PCDHA10: variants seen among roughly 807,000 people sequenced by gnomAD.
The protein encoded by PCDHA10 is protocadherin alpha-10.
A neutral mutation model predicts 61.2 loss-of-function variants in PCDHA10; 45 were observed. That is an observed-to-expected ratio of 0.74 (90% CI 0.58 to 0.94). PCDHA10 has a LOEUF of 0.94. Ranked by LOEUF, PCDHA10 falls within the 40% of genes least tolerant of loss-of-function variation. The pLI is 0.00. For missense variants in PCDHA10, 1,278 were observed against 1,236.2 expected (o/e 1.03, Z -0.51); for synonymous variants, 602 against 548.8 (o/e 1.10, Z -1.35).
chr5:140,928,168 A>T, intron 1 of PCDHA10: 3 of 1,614,174 alleles, frequency 1.9e-6, no homozygotes, highest in Non-Finnish European at 2.5e-6. Flanking sequence ...ACCCCCACTT[A>T]GCACCCGAAG....
At chr5:140,905,669 A>T (rs781948009) in intron 1 of PCDHA10, among the ~76,000 whole-genome samples, 1 of 152,228 alleles carries the variant, frequency 6.6e-6, no homozygotes, top group Non-Finnish European at 1.5e-5. Flanking sequence ...ATCCATTAAC[A>T]TGGAACATAT....
intron 1 of PCDHA10, among the ~76,000 whole-genome samples, chr5:140,941,202 C>CCTTTCTTCCTTTCTTTCTTTCTTT (rs1394736170): frequency 4.2e-3 from 519 of 122,694 alleles, no homozygotes; most frequent in African/African-American, 7.8e-3. Flanking sequence ...TTTCTTTCTT[C>CCTTTCTTCCTTTCTTTCTTTCTTT]CTTTCTTTCT....
intron 1 of PCDHA10, among the ~76,000 whole-genome samples, chr5:140,920,909 C>A (rs2079923809): frequency 6.6e-6 from 1 of 151,058 alleles, no homozygotes; most frequent in Admixed American, 6.6e-5. Context: ...GTTCTCAAAT[C>A]AGTTCCAAGA....
At chr5:140,992,925 C>G (rs548869982) in intron 3 of PCDHA10, among the ~76,000 whole-genome samples, 1 of 152,312 alleles carries the variant, frequency 6.6e-6, no homozygotes, top group South Asian at 2.1e-4. Flanking sequence ...TCCATACTTA[C>G]AGCAGCTCTG....
At chr5:140,995,416 T>G (rs2097682772) in intron 3 of PCDHA10, among the ~76,000 whole-genome samples, 1 of 152,228 alleles carries the variant, frequency 6.6e-6, no homozygotes, top group African/African-American at 2.4e-5. Context: ...TTCATCACAT[T>G]ACTCAGAACA....
At chr5:140,875,428 C>T (rs782761347) in intron 1 of PCDHA10, 1 of 1,537,796 alleles carries the variant, frequency 6.5e-7, no homozygotes, top group Non-Finnish European at 8.7e-7. Context: ...GGCAAGCGAT[C>T]CCTTAAAACT....
In PCDHA10 at chr5:140,903,129, A is replaced by C. The variant is rs184256724; in HGVS notation, c.2388+44693A>C. On this transcript the variant is annotated intron_variant, in intron 1 of 3. Coordinates refer to ENST00000307360, the MANE Select transcript of PCDHA10 (RefSeq NM_018901.4). ...TAGCTCTACTTCTAAATCTTTAAGA[A>C]ATCTCCAAACTGTTTTCCATAGTGG... Among the ~76,000 whole-genome samples the C allele has an allele frequency of 2.8e-3, 421 of 152,322 alleles. 2 individuals carry two copies. Among genetic ancestry groups the C allele is most frequent in the Middle Eastern group, 0.014 (4 of 294 alleles).
chr5:140,979,081 G>A, intron 2 of PCDHA10, 74 bp downstream of exon 2: 1 of 1,564,866 alleles, frequency 6.4e-7, no homozygotes, highest in South Asian at 1.2e-5. Flanking sequence ...CATCTCCATA[G>A]GCCAGAAGCA....
At chr5:140,860,638 CGAA>C (rs2046489260) in intron 1 of PCDHA10, 1 of 152,104 alleles carries the variant, frequency 6.6e-6, no homozygotes, top group African/African-American at 2.4e-5. Context: ...GAATCAGGAA[CGAA>C]GAAGATAAGT....
At chr5:141,004,637 A>G (rs149340406) in intron 3 of PCDHA10, among the ~76,000 whole-genome samples, 1,579 of 152,220 alleles carry the variant, frequency 0.01, 12 homozygotes, top group Middle Eastern at 0.058. Flanking sequence ...TTGAAGAAAA[A>G]TTTCCATTTT....
intron 3 of PCDHA10, among the ~76,000 whole-genome samples, chr5:141,004,805 A>G (rs1588069791): frequency 6.6e-6 from 1 of 152,310 alleles, no homozygotes; most frequent in African/African-American, 2.4e-5. Flanking sequence ...GCTGAGCTCA[A>G]TTGCAGATTT....
intron 1 of PCDHA10, chr5:140,860,410 A>T (rs2046380485): frequency 6.6e-6 from 1 of 152,082 alleles, no homozygotes; most frequent in Non-Finnish European, 1.5e-5. Context: ...AGCAATAGTA[A>T]CACCATTATC....
intron 1 of PCDHA10, among the ~76,000 whole-genome samples, chr5:140,913,413 G>A (rs976186231): frequency 3.3e-5 from 5 of 152,050 alleles, no homozygotes; most frequent in Non-Finnish European, 5.9e-5. Flanking sequence ...TTGAATTCCT[G>A]CAGTATCAGT....
chr5:140,881,510 A>G (rs2058738971), intron 1 of PCDHA10: 1 of 210,204 alleles, frequency 4.8e-6, no homozygotes, highest in Non-Finnish European at 8.3e-6. Context: ...ACACTCACAT[A>G]CAAAATCCCA....
At chr5:140,947,221 T>A (rs181563367) in intron 1 of PCDHA10, among the ~76,000 whole-genome samples, 1 of 151,730 alleles carries the variant, frequency 6.6e-6, no homozygotes, top group East Asian at 1.9e-4. Context: ...TCCTGTCATT[T>A]ATGACAGGAA....
At chr5:140,886,545 C>T (rs894582397) in intron 1 of PCDHA10, among the ~76,000 whole-genome samples, 5 of 151,964 alleles carry the variant, frequency 3.3e-5, no homozygotes, top group Non-Finnish European at 7.4e-5. Flanking sequence ...AAGGTCTTCC[C>T]AGCTGGGCAC....
At chr5:140,897,032 T>C (rs2065847458) in intron 1 of PCDHA10, among the ~76,000 whole-genome samples, 2 of 152,146 alleles carry the variant, frequency 1.3e-5, no homozygotes, top group Non-Finnish European at 2.9e-5. Flanking sequence ...ATTTAGACCA[T>C]AGTCACCCTA....
intron 1 of PCDHA10, chr5:140,884,726 T>A: frequency 6.9e-7 from 1 of 1,455,756 alleles, no homozygotes; most frequent in Non-Finnish European, 9.1e-7. Flanking sequence ...GTTGTTTGTT[T>A]AAGACATCTT....
At chr5:140,877,276 G>A (rs1038142877) in intron 1 of PCDHA10, 5 of 1,613,744 alleles carry the variant, frequency 3.1e-6, no homozygotes, top group Admixed American at 1.7e-5. Context: ...CGCTGACTCC[G>A]GCTATAACGC....
Sources: allele counts gnomAD v4.1 joint callset (sites outside exome capture counted in the v4.1 genomes callset), GRCh38; gene constraint gnomAD v4.1.1; transcripts MANE v1.5; gene names NCBI Gene and HGNC (gene_info 2026-07-23, HGNC 2026-07-21).